The following FRMD4A variants were observed in gnomAD, a reference collection of about 807,000 sequenced individuals.
FRMD4A encodes the protein FERM domain containing 4A, also known as FERM domain-containing protein 4A.
FRMD4A carries 29 observed loss-of-function variants against 129.1 expected under a neutral mutation model. That is an observed-to-expected ratio of 0.22 (90% CI 0.17 to 0.31). The LOEUF is 0.31. Among genes scored for constraint, FRMD4A ranks in the 10% least tolerant of loss-of-function variants. FRMD4A has a pLI of 1.00. For missense variants in FRMD4A, 1,272 were observed against 1,375.8 expected, an observed-to-expected ratio of 0.92 and a Z score of 1.19; for synonymous variants, 634 against 571.6, an observed-to-expected ratio of 1.11 and a Z score of -1.56.
chr10:14,129,670 G>A (rs1036148881), intron 2 of FRMD4A, among the ~76,000 whole-genome samples: 5 of 151,890 alleles, frequency 3.3e-5, no homozygotes, highest in Admixed American at 1.3e-4. Context: ...TGCATGGGTC[G>A]CCTTGGGTAA....
rs1183033799 is a variant in FRMD4A at position 13,670,388 on chromosome 10, C to T, written c.1374+18G>A. ...AGGATAACATGAGAGAATCCAACAA[C>T]AGAAAGGAAGGACGCACCTCTCCTT... On this transcript the variant is annotated intron_variant, in intron 17 of 24. Coordinates refer to ENST00000357447, the MANE Select transcript of FRMD4A (RefSeq NM_018027.5). The T allele has an allele frequency of 8.1e-6, 13 of 1,610,914 alleles. No homozygotes were observed. The highest frequency in any genetic ancestry group is 1.3e-5 in the African/African-American group (1 of 74,796).
intron 2 of FRMD4A, among the ~76,000 whole-genome samples, chr10:13,896,035 C>T (rs2094754210): frequency 6.6e-6 from 1 of 152,166 alleles, no homozygotes; most frequent in Non-Finnish European, 1.5e-5. Flanking sequence ...GCTGGCGAGG[C>T]TGTGGTGAAA....
At chr10:14,010,664 C>CTTTTTTTTTTTTTTTGTTTT (rs2095678892) in intron 2 of FRMD4A, among the ~76,000 whole-genome samples, 1 of 76,418 alleles carries the variant, frequency 1.3e-5, no homozygotes, top group Non-Finnish European at 2.4e-5. Flanking sequence ...GAGTTTAGGT[C>CTTTTTTTTTTTTTTTGTTTT]TTTTTTTTTT....
intron 8 of FRMD4A, among the ~76,000 whole-genome samples, chr10:13,755,300 C>A (rs182663753): frequency 3.0e-4 from 45 of 152,216 alleles, no homozygotes; most frequent in African/African-American, 1.1e-3. Flanking sequence ...TTTTCGGATA[C>A]CAGTAAGTTG....
chr10:14,176,595 C>T (rs1841737648), intron 2 of FRMD4A, among the ~76,000 whole-genome samples: 1 of 151,312 alleles, frequency 6.6e-6, no homozygotes, highest in African/African-American at 2.4e-5. Context: ...CTGCCTCAGC[C>T]TCCCGAGTAG....
intron 2 of FRMD4A, among the ~76,000 whole-genome samples, chr10:14,294,857 G>A (rs920772036): frequency 3.0e-4 from 45 of 152,272 alleles, no homozygotes; most frequent in Admixed American, 1.6e-3. Context: ...CTATTATTGC[G>A]TCTTGCATTT....
intron 2 of FRMD4A, among the ~76,000 whole-genome samples, chr10:14,215,930 C>T (rs915058388): frequency 1.3e-5 from 2 of 152,124 alleles, no homozygotes; most frequent in Non-Finnish European, 1.5e-5. Context: ...CTCTCCTGCT[C>T]AGGTTCTTTG....
At chr10:13,824,136 G>A (rs1439582211) in intron 3 of FRMD4A, among the ~76,000 whole-genome samples, 1 of 151,862 alleles carries the variant, frequency 6.6e-6, no homozygotes, top group East Asian at 1.9e-4. Flanking sequence ...ATATCCACAG[G>A]TTCTGCATCT....
chr10:14,270,284 CGT>C (rs2132045540), intron 2 of FRMD4A, among the ~76,000 whole-genome samples: 1 of 152,344 alleles, frequency 6.6e-6, no homozygotes, highest in African/African-American at 2.4e-5. Context: ...AATTCCTTCT[CGT>C]CTCTCTCCCT....
chr10:14,138,760 AAAAAAAG>A (rs1259275998), intron 2 of FRMD4A, among the ~76,000 whole-genome samples: 16 of 144,818 alleles, frequency 1.1e-4, no homozygotes, highest in African/African-American at 3.9e-4. Flanking sequence ...TCCATCTAAA[AAAAAAAG>A]AAAAAAAGAA....
At chr10:14,119,558 A>G (rs1887241) in intron 2 of FRMD4A, among the ~76,000 whole-genome samples, 25,580 of 152,204 alleles carry the variant, frequency 0.17, 2,529 homozygotes, top group African/African-American at 0.27. Flanking sequence ...GGTTATCGCA[A>G]CACCAAGCTT....
chr10:14,243,001 G>A (rs1164723830), intron 2 of FRMD4A, among the ~76,000 whole-genome samples: 1 of 152,138 alleles, frequency 6.6e-6, no homozygotes, highest in Non-Finnish European at 1.5e-5. Context: ...ACCCATTATA[G>A]ATGAATGGAT....
At chr10:13,942,206 A>G (rs1200757093) in intron 2 of FRMD4A, among the ~76,000 whole-genome samples, 2 of 152,304 alleles carry the variant, frequency 1.3e-5, no homozygotes, top group African/African-American at 2.4e-5. Flanking sequence ...TTCAGCCACA[A>G]ATGAAACTGG....
At chr10:13,673,878 C>T (rs986061367) in intron 16 of FRMD4A, among the ~76,000 whole-genome samples, 8 of 148,548 alleles carry the variant, frequency 5.4e-5, no homozygotes, top group East Asian at 2.0e-4. Context: ...CAGGCTCAAG[C>T]GATCCTCCTG....
At chr10:13,987,701 G>A (rs11258774) in intron 2 of FRMD4A, among the ~76,000 whole-genome samples, 52,102 of 152,020 alleles carry the variant, frequency 0.34, 9,634 homozygotes, top group East Asian at 0.72. Flanking sequence ...CCCCGACCAC[G>A]AGGAAACTGC....
At chr10:13,917,517 T>A (rs545726930) in intron 2 of FRMD4A, among the ~76,000 whole-genome samples, 1 of 152,274 alleles carries the variant, frequency 6.6e-6, no homozygotes, top group Non-Finnish European at 1.5e-5. Flanking sequence ...CTTGAACTCC[T>A]GGCCTCAAGC....
At chr10:13,693,629 T>C in intron 15 of FRMD4A, 2 of 673,846 alleles carry the variant, frequency 3.0e-6, no homozygotes, top group Non-Finnish European at 4.6e-6. Context: ...GGGGGGTACC[T>C]GAAGACACTT....
intron 2 of FRMD4A, among the ~76,000 whole-genome samples, chr10:13,956,038 C>T (rs562015987): frequency 6.6e-6 from 1 of 152,158 alleles, no homozygotes. Context: ...AGGCAGATTC[C>T]CAGGAGTACT....
intron 2 of FRMD4A, among the ~76,000 whole-genome samples, chr10:14,213,329 G>A (rs1315150564): frequency 6.6e-6 from 1 of 152,178 alleles, no homozygotes; most frequent in African/African-American, 2.4e-5. Context: ...TATTCCACAT[G>A]TACTATGGAC....
Sources: gnomAD v4.1 joint callset for allele counts (sites outside exome capture counted in the v4.1 genomes callset) on GRCh38, gnomAD v4.1.1 for gene constraint, MANE v1.5 for transcripts, NCBI Gene and HGNC (gene_info 2026-07-23, HGNC 2026-07-21) for gene names.